The following DLG2 variants were observed in gnomAD, a reference collection of about 807,000 sequenced individuals.
DLG2 encodes the protein disks large homolog 2.
DLG2 carries 45 observed loss-of-function variants against 132.5 expected under a neutral mutation model. The observed-to-expected ratio is 0.34, with a 90% CI of 0.27 to 0.44. The LOEUF (loss-of-function observed/expected upper bound fraction) is 0.44, where lower values mean the gene tolerates loss of function less well. Among genes scored for constraint, DLG2 ranks in the 20% least tolerant of loss-of-function variants. The pLI is 1.00. For missense variants in DLG2, 1,045 were observed against 1,196.9 expected (o/e 0.87, Z 1.87); for synonymous variants, 424 against 419.6 (o/e 1.01, Z -0.13).
intron 6 of DLG2, among the ~76,000 whole-genome samples, chr11:84,910,437 AT>A (rs543025894): frequency 6.2e-4 from 95 of 152,130 alleles, no homozygotes; most frequent in African/African-American, 2.1e-3. Context: ...AGACAGAATG[AT>A]TTTTTTTACT....
rs1446994584 is a variant in DLG2 at position 85,264,003 on chromosome 11, G to A, written c.186+21217C>T. Among the ~76,000 whole-genome samples the A allele has an allele frequency of 4.6e-5, 7 of 152,190 alleles. No individual in the cohort carries two copies. The South Asian group carries it at 6.2e-4, about 13-fold the overall frequency. ...GGCTGAAGGGAAGTTTTATAGGGTC[G>A]TGCTGGAGTGGCCTGTGTAGATAAG... On this transcript the variant is annotated intron_variant, in intron 4 of 27. Coordinates refer to ENST00000376104, the MANE Select transcript of DLG2 (RefSeq NM_001142699.3).
intron 6 of DLG2, among the ~76,000 whole-genome samples, chr11:84,690,493 C>T (rs1280889131): frequency 1.3e-5 from 2 of 151,624 alleles, no homozygotes; most frequent in Non-Finnish European, 2.9e-5. Context: ...GGCCATCCCT[C>T]CATCCCTTAT....
At chr11:85,375,717 A>G (rs1245988417) in intron 3 of DLG2, among the ~76,000 whole-genome samples, 1 of 152,228 alleles carries the variant, frequency 6.6e-6, no homozygotes, top group Non-Finnish European at 1.5e-5. Flanking sequence ...ATTCAATTTG[A>G]ACAGTAATAA....
intron 21 of DLG2, among the ~76,000 whole-genome samples, chr11:83,521,216 T>C (rs1444717353): frequency 6.6e-6 from 1 of 152,204 alleles, no homozygotes; most frequent in Non-Finnish European, 1.5e-5. Flanking sequence ...TGACCCTGCC[T>C]CTTTATTTAT....
intron 6 of DLG2, among the ~76,000 whole-genome samples, chr11:84,731,700 A>AT (rs2063174035): frequency 6.6e-6 from 1 of 152,034 alleles, no homozygotes; most frequent in Admixed American, 6.6e-5. Context: ...TAGTCAGATT[A>AT]TATTTAAAAT....
intron 3 of DLG2, among the ~76,000 whole-genome samples, chr11:85,472,892 G>A (rs1486373675): frequency 6.6e-6 from 1 of 152,242 alleles, no homozygotes; most frequent in Non-Finnish European, 1.5e-5. Context: ...CCAATTCACT[G>A]TGCTGCTGGA....
At chr11:83,700,398 C>T (rs989147623) in intron 18 of DLG2, among the ~76,000 whole-genome samples, 2 of 152,132 alleles carry the variant, frequency 1.3e-5, no homozygotes, top group African/African-American at 4.8e-5. Context: ...TGATGACCTT[C>T]TGGTATCTTC....
At chr11:83,786,041 A>T (rs1303889949) in intron 18 of DLG2, among the ~76,000 whole-genome samples, 2 of 152,208 alleles carry the variant, frequency 1.3e-5, no homozygotes, top group Non-Finnish European at 2.9e-5. Flanking sequence ...ACAATAAGTA[A>T]CATCCCAGTT....
chr11:83,874,073 G>A (rs1413774422), intron 16 of DLG2, among the ~76,000 whole-genome samples: 1 of 151,738 alleles, frequency 6.6e-6, no homozygotes, highest in African/African-American at 2.4e-5. Flanking sequence ...CTAGATATTT[G>A]CTGATTGAAA....
At chr11:84,382,429 C>T (rs2098751980) in intron 7 of DLG2, among the ~76,000 whole-genome samples, 1 of 152,044 alleles carries the variant, frequency 6.6e-6, no homozygotes, top group African/African-American at 2.4e-5. Context: ...AAAAATTACC[C>T]AAGATTATAC....
At chr11:84,787,841 G>A (rs1194933656) in intron 6 of DLG2, among the ~76,000 whole-genome samples, 1 of 151,814 alleles carries the variant, frequency 6.6e-6, no homozygotes, top group Non-Finnish European at 1.5e-5. Context: ...GCTCATGCCT[G>A]TAATCCCAGC....
intron 16 of DLG2, among the ~76,000 whole-genome samples, chr11:83,860,337 G>C (rs1595564695): frequency 6.6e-6 from 1 of 152,146 alleles, no homozygotes; most frequent in Admixed American, 6.5e-5. Flanking sequence ...CAAAGCCACA[G>C]GAGTGGAGCT....
intron 7 of DLG2, among the ~76,000 whole-genome samples, chr11:84,412,038 G>A (rs2098908068): frequency 6.6e-6 from 1 of 151,178 alleles, no homozygotes; most frequent in South Asian, 2.1e-4. Context: ...GGAGGAGTGT[G>A]CGAACCCAAG....
chr11:84,855,128 C>T (rs2082615764), intron 6 of DLG2, among the ~76,000 whole-genome samples: 1 of 151,996 alleles, frequency 6.6e-6, no homozygotes, highest in Non-Finnish European at 1.5e-5. Flanking sequence ...TTCATGAGGC[C>T]TGAGCTTCAA....
chr11:84,421,355 A>G (rs536209312), intron 7 of DLG2, among the ~76,000 whole-genome samples: 1 of 152,344 alleles, frequency 6.6e-6, no homozygotes, highest in East Asian at 1.9e-4. Context: ...ATCCCAGAGC[A>G]GCAAGCGGGG....
intron 6 of DLG2, among the ~76,000 whole-genome samples, chr11:84,633,922 C>T (rs1361447926): frequency 2.6e-5 from 4 of 152,102 alleles, no homozygotes; most frequent in Non-Finnish European, 5.9e-5. Flanking sequence ...CAAGTAATCA[C>T]GGGCAACTTC....
At chr11:85,376,456 C>G (rs1305134539) in intron 3 of DLG2, among the ~76,000 whole-genome samples, 1 of 152,136 alleles carries the variant, frequency 6.6e-6, no homozygotes, top group Non-Finnish European at 1.5e-5. Context: ...GAGGCCTGAA[C>G]CAAGTTTTTT....
chr11:85,130,546 G>A (rs7936760), intron 5 of DLG2, among the ~76,000 whole-genome samples: 8 of 152,166 alleles, frequency 5.3e-5, no homozygotes, highest in African/African-American at 2.4e-5. Context: ...CTGTGGTATC[G>A]AAATGTGCTG....
chr11:85,375,208 C>T (rs1290934675), intron 3 of DLG2, among the ~76,000 whole-genome samples: 2 of 151,862 alleles, frequency 1.3e-5, no homozygotes, highest in African/African-American at 2.4e-5. Flanking sequence ...GATCAAATAT[C>T]ACAGAAGAAT....
Sources: gnomAD v4.1 joint callset for allele counts (sites outside exome capture counted in the v4.1 genomes callset) on GRCh38, gnomAD v4.1.1 for gene constraint, MANE v1.5 for transcripts, NCBI Gene and HGNC (gene_info 2026-07-23, HGNC 2026-07-21) for gene names.